COX10: variants seen among roughly 807,000 people sequenced by gnomAD.
COX10 encodes the protein cytochrome c oxidase assembly factor heme A:farnesyltransferase COX10, also known as protoheme IX farnesyltransferase, mitochondrial.
A neutral mutation model predicts 37.3 loss-of-function variants in COX10; 27 were observed. The observed-to-expected ratio is 0.72, with a 90% CI of 0.53 to 1.00. COX10 has a LOEUF of 1.00. Ranked by LOEUF, COX10 falls within the 50% of genes least tolerant of loss-of-function variation. The pLI, the probability that COX10 is intolerant of heterozygous loss-of-function variation, is 0.00. For missense variants in COX10, 475 were observed against 563.2 expected (o/e 0.84, Z 1.59); for synonymous variants, 222 against 229.1 (o/e 0.97, Z 0.28).
intron 6 of COX10, among the ~76,000 whole-genome samples, chr17:14,194,732 A>C (rs1324996927): frequency 6.6e-6 from 1 of 152,134 alleles, no homozygotes; most frequent in Admixed American, 6.5e-5. Flanking sequence ...GCCTAAAATA[A>C]ATTTTTTAAT....
intron 5 of COX10, among the ~76,000 whole-genome samples, chr17:14,183,805 T>G (rs1206897039): frequency 6.6e-6 from 1 of 152,194 alleles, no homozygotes; most frequent in Non-Finnish European, 1.5e-5. Context: ...CATCTGTTCT[T>G]TCTTGTAGCT....
chr17:14,097,586 C>A (rs1050595462), intron 3 of COX10, among the ~76,000 whole-genome samples: 6 of 152,128 alleles, frequency 3.9e-5, no homozygotes, highest in Admixed American at 3.3e-4. Flanking sequence ...GCTTCATCAC[C>A]CCATCAAGCT....
At chr17:14,163,748 C>T (rs1905218788) in intron 5 of COX10, among the ~76,000 whole-genome samples, 1 of 152,202 alleles carries the variant, frequency 6.6e-6, no homozygotes, top group African/African-American at 2.4e-5. Context: ...AGTCGGCCTG[C>T]TCTAATGGAC....
At chr17:14,078,495 C>A (rs1008193425) in intron 3 of COX10, among the ~76,000 whole-genome samples, 1 of 152,054 alleles carries the variant, frequency 6.6e-6, no homozygotes, top group African/African-American at 2.4e-5. Context: ...ACTTTTTGCT[C>A]TCCGCTCTCC....
intron 3 of COX10, among the ~76,000 whole-genome samples, chr17:14,096,795 T>C (rs1201097837): frequency 1.3e-5 from 2 of 152,160 alleles, no homozygotes; most frequent in African/African-American, 4.8e-5. Flanking sequence ...GGACAACAGA[T>C]TGGACCTAGT....
At chr17:14,202,860 G>C (rs1015445663) in intron 6 of COX10, among the ~76,000 whole-genome samples, 3 of 151,888 alleles carry the variant, frequency 2.0e-5, no homozygotes, top group Admixed American at 1.3e-4. Flanking sequence ...CAGCCTCCAT[G>C]CTGTCTCAGA....
chr17:14,070,035 C>A (rs1019508292), intron 1 of COX10, among the ~76,000 whole-genome samples: 1 of 152,220 alleles, frequency 6.6e-6, no homozygotes, highest in Non-Finnish European at 1.5e-5. Context: ...TGCTTTGCTT[C>A]CACTCAGAAG....
rs1567593228 is a variant in COX10 at position 14,109,329 on chromosome 17, A to G, written c.624+7087A>G. ...TTTTCCTGAATTTAAATAACCTCAA[A>G]TAATTTCTAAATTACATTTGATTCC... On this transcript the variant is annotated intron_variant, in intron 4 of 6. Transcript: ENST00000261643. Among the ~76,000 whole-genome samples the G allele has an allele frequency of 2.0e-5, 3 of 152,210 alleles. No individual in the cohort carries two copies. In the South Asian group the frequency reaches 6.2e-4, roughly 32 times the overall value.
intron 4 of COX10, among the ~76,000 whole-genome samples, chr17:14,133,580 T>C (rs1185974895): frequency 1.3e-5 from 2 of 151,634 alleles, no homozygotes; most frequent in African/African-American, 2.4e-5. Context: ...ATAAATATAC[T>C]TAAAGGTACT....
chr17:14,153,585 T>G (rs1317091218), intron 4 of COX10, among the ~76,000 whole-genome samples: 1 of 152,242 alleles, frequency 6.6e-6, no homozygotes, highest in Non-Finnish European at 1.5e-5. Flanking sequence ...TCTTTGTCCT[T>G]GGCAAACACT....
intron 4 of COX10, among the ~76,000 whole-genome samples, chr17:14,119,010 T>C (rs936225668): frequency 2.0e-5 from 3 of 152,200 alleles, no homozygotes; most frequent in Admixed American, 1.3e-4. Context: ...AAATAGACTT[T>C]TCATCACCTC....
chr17:14,169,236 G>A (rs1032341320), intron 5 of COX10, among the ~76,000 whole-genome samples: 1 of 152,226 alleles, frequency 6.6e-6, no homozygotes, highest in African/African-American at 2.4e-5. Context: ...CATAGCAAGA[G>A]TGACCTTTAC....
At position 14,207,564 on chromosome 17, in the gene COX10, G is replaced by A. The variant is rs1013303600; in HGVS notation, c.*351G>A. The A allele has an allele frequency of 7.3e-5, 16 of 219,822 alleles. No individual in the cohort carries two copies. Among genetic ancestry groups the A allele is most frequent in the South Asian group, 5.1e-4 (6 of 11,764 alleles). The allele number at this position is 219,822 out of a possible 1,614,324, so 13.6% of individuals were successfully genotyped here. On this transcript the variant is annotated 3_prime_UTR_variant, in exon 7 of 7. Transcript: ENST00000261643. The stretch of plus-strand genomic sequence containing the variant: ...TTCCATCCTTACCACCACACCACAC[G>A]CACACTCCACATGCCCAGCAGAGTG...
At chr17:14,192,666 A>T (rs1255447626) in intron 6 of COX10, among the ~76,000 whole-genome samples, 1 of 152,168 alleles carries the variant, frequency 6.6e-6, no homozygotes, top group Non-Finnish European at 1.5e-5. Context: ...GATTATTTTC[A>T]TTAGTTTCTA....
intron 4 of COX10, among the ~76,000 whole-genome samples, chr17:14,111,994 T>G (rs1449310895): frequency 1.3e-5 from 2 of 152,266 alleles, no homozygotes; most frequent in African/African-American, 2.4e-5. Context: ...AAGGACAGAA[T>G]TTACTGAGGC....
chr17:14,176,515 C>T (rs1204522929), intron 5 of COX10, among the ~76,000 whole-genome samples: 2 of 152,220 alleles, frequency 1.3e-5, no homozygotes, highest in African/African-American at 4.8e-5. Flanking sequence ...GGTTTGAATG[C>T]CCAGCCATCT....
intron 4 of COX10, among the ~76,000 whole-genome samples, chr17:14,123,984 G>A (rs1916281435): frequency 6.6e-6 from 1 of 152,056 alleles, no homozygotes; most frequent in South Asian, 2.1e-4. Context: ...GTGAAACTAG[G>A]CTTGCCTTTT....
At chr17:14,096,951 T>C (rs1915666437) in intron 3 of COX10, among the ~76,000 whole-genome samples, 1 of 152,064 alleles carries the variant, frequency 6.6e-6, no homozygotes, top group South Asian at 2.1e-4. Flanking sequence ...GCTCCCAGAG[T>C]CATTCCTGGG....
intron 6 of COX10, among the ~76,000 whole-genome samples, chr17:14,195,006 T>G (rs1906325713): frequency 6.6e-6 from 1 of 152,228 alleles, no homozygotes; most frequent in African/African-American, 2.4e-5. Context: ...ACTTTAAATC[T>G]TAAAGATGCA....
Sources: gnomAD v4.1 joint callset for allele counts (sites outside exome capture counted in the v4.1 genomes callset) on GRCh38, gnomAD v4.1.1 for gene constraint, MANE v1.5 for transcripts, NCBI Gene and HGNC (gene_info 2026-07-23, HGNC 2026-07-21) for gene names.